Variants in DOCK1 observed in about 807,000 individuals in gnomAD.
DOCK1 encodes the protein dedicator of cytokinesis 1, also known as dedicator of cytokinesis protein 1.
Under a neutral mutation model 262.7 loss-of-function variants are expected in DOCK1, and 138 were observed. The observed-to-expected ratio is 0.53, with a 90% CI of 0.46 to 0.61. The LOEUF (loss-of-function observed/expected upper bound fraction) is 0.61, where lower values mean the gene tolerates loss of function less well. DOCK1 is among the 20% of genes least tolerant of loss of function. DOCK1 has a pLI of 0.00. For missense variants in DOCK1, 1,908 were observed against 2,370.7 expected (o/e 0.80, Z 4.05); for synonymous variants, 866 against 867.4 (o/e 1.00, Z 0.03).
intron 28 of DOCK1, among the ~76,000 whole-genome samples, chr10:127,255,586 C>G (rs565443972): frequency 6.6e-6 from 1 of 152,204 alleles, no homozygotes; most frequent in African/African-American, 2.4e-5. Context: ...ATGCAGAAAA[C>G]AAGGACGCCT....
intron 27 of DOCK1, among the ~76,000 whole-genome samples, chr10:127,237,066 CA>C (rs1446540641): frequency 6.6e-5 from 10 of 152,094 alleles, no homozygotes; most frequent in African/African-American, 2.4e-4. Context: ...GCCTTAAGAC[CA>C]AAAAATATTG....
chr10:127,073,248 C>G (rs540978343), intron 23 of DOCK1, among the ~76,000 whole-genome samples: 1 of 152,216 alleles, frequency 6.6e-6, no homozygotes, highest in Non-Finnish European at 1.5e-5. Flanking sequence ...TCTACAGATT[C>G]ACTGCAGTCC....
chr10:127,263,967 G>T (rs1355963612), intron 29 of DOCK1, among the ~76,000 whole-genome samples: 1 of 152,168 alleles, frequency 6.6e-6, no homozygotes, highest in Non-Finnish European at 1.5e-5. Context: ...CAGGTAAACC[G>T]AATCCCTTTG....
chr10:127,190,177 C>A lies in DOCK1; in HGVS notation c.2848-57831C>A, dbSNP rs181594081. On this transcript the variant is annotated intron_variant, in intron 27 of 51. Transcript: ENST00000623213. ...CATTCTTTCTCTAAAAACTCAACTT[C>A]TACCCAACTGAATTTTCACCAAAGG... 2.0e-5 allele frequency among the ~76,000 whole-genome samples: 3 copies of A among 152,362 alleles called. No homozygotes were observed. The East Asian group carries it at 5.8e-4, about 29-fold the overall frequency.
chr10:127,313,883 C>T (rs1423898548), intron 29 of DOCK1, among the ~76,000 whole-genome samples: 2 of 128,744 alleles, frequency 1.6e-5, no homozygotes, highest in African/African-American at 4.2e-5. Context: ...CCAGCTTGCT[C>T]GTATTTGTTT....
At chr10:127,267,229 C>A (rs973091637) in intron 29 of DOCK1, among the ~76,000 whole-genome samples, 3 of 152,168 alleles carry the variant, frequency 2.0e-5, no homozygotes, top group African/African-American at 7.2e-5. Context: ...GCCCACTGCA[C>A]CTTGGGATGG....
chr10:127,091,749 C>G (rs1367950842), intron 23 of DOCK1, among the ~76,000 whole-genome samples: 1 of 152,172 alleles, frequency 6.6e-6, no homozygotes, highest in Non-Finnish European at 1.5e-5. Context: ...GCAAAATCAG[C>G]TGACTAAGTC....
chr10:127,018,528 T>G, intron 12 of DOCK1, 182 bp from the exon 13 acceptor site: 1 of 820,844 alleles, frequency 1.2e-6, no homozygotes. Flanking sequence ...GCTCGTTGGA[T>G]GCATGGAGTC....
chr10:127,054,023 T>C (rs2044951635), intron 22 of DOCK1, among the ~76,000 whole-genome samples: 2 of 152,210 alleles, frequency 1.3e-5, no homozygotes, highest in Non-Finnish European at 2.9e-5. Flanking sequence ...AATTAGCGAA[T>C]ACATTTGCCT....
intron 28 of DOCK1, among the ~76,000 whole-genome samples, chr10:127,253,874 C>CAAAAAAAAAA (rs575042004): frequency 9.9e-6 from 1 of 101,472 alleles, no homozygotes; most frequent in Non-Finnish European, 1.9e-5. Context: ...GACCCTGTCT[C>CAAAAAAAAAA]AAAAAAAAAA....
intron 11 of DOCK1, among the ~76,000 whole-genome samples, chr10:127,010,724 T>A (rs1383118026): frequency 6.6e-6 from 1 of 152,232 alleles, no homozygotes; most frequent in Non-Finnish European, 1.5e-5. Flanking sequence ...AACAGTATCA[T>A]GGAACATGGG....
chr10:127,037,311 TA>T (rs148989854), intron 18 of DOCK1, among the ~76,000 whole-genome samples: 4,244 of 152,200 alleles, frequency 0.028, 196 homozygotes, highest in African/African-American at 0.095. Context: ...ATATTATCTA[TA>T]AAAAAATAGC....
At chr10:127,387,688 C>T (rs958783113) in intron 38 of DOCK1, among the ~76,000 whole-genome samples, 7 of 152,186 alleles carry the variant, frequency 4.6e-5, no homozygotes, top group East Asian at 1.9e-4. Context: ...ATCTAATGCT[C>T]GGAACAGTGC....
rs1258436159 is a variant in DOCK1, at chr10:126,905,502, C to T, written c.-16C>T. 1.5e-5 allele frequency: 8 copies of T among 526,116 alleles called. No homozygotes were observed. The highest frequency in any genetic ancestry group is 2.1e-5 in the Non-Finnish European group (6 of 286,232). The allele number at this position is 526,116 out of a possible 1,614,324, so 32.6% of individuals were successfully genotyped here. A position where few individuals can be genotyped will look rare whatever the true frequency, so the allele number is the denominator to read the frequency against. ...GCGGAGTTTCCTGCCCGACCCGCGG[C>T]GGCTCCGGCGGCGCCATGACGCGCT... On this transcript the variant is annotated 5_prime_UTR_variant, in exon 1 of 52. Coordinates refer to ENST00000623213, the MANE Select transcript of DOCK1 (RefSeq NM_001290223.2).
chr10:127,320,472 C>A (rs377288347), intron 29 of DOCK1, among the ~76,000 whole-genome samples: 5 of 152,076 alleles, frequency 3.3e-5, no homozygotes, highest in African/African-American at 1.2e-4. Context: ...TTATAGCATC[C>A]AATCAGACAC....
chr10:127,169,391 A>G (rs996230433), intron 27 of DOCK1, among the ~76,000 whole-genome samples: 1 of 152,150 alleles, frequency 6.6e-6, no homozygotes, highest in Non-Finnish European at 1.5e-5. Context: ...AACCTTCTAA[A>G]TGTGTGAATG....
At chr10:127,015,599 GT>G (rs2041812282) in intron 12 of DOCK1, among the ~76,000 whole-genome samples, 1 of 152,030 alleles carries the variant, frequency 6.6e-6, no homozygotes, top group Non-Finnish European at 1.5e-5. Flanking sequence ...CTTGCTAGTG[GT>G]TGTGCCTGCA....
At chr10:127,317,602 GAT>G (rs2062340742) in intron 29 of DOCK1, among the ~76,000 whole-genome samples, 1 of 152,200 alleles carries the variant, frequency 6.6e-6, no homozygotes, top group Non-Finnish European at 1.5e-5. Context: ...TTCACCCATT[GAT>G]AATACTGAGC....
intron 29 of DOCK1, among the ~76,000 whole-genome samples, chr10:127,283,717 A>G (rs2061047813): frequency 6.6e-6 from 1 of 152,202 alleles, no homozygotes; most frequent in African/African-American, 2.4e-5. Flanking sequence ...TTCATTGCCA[A>G]CTTTCTTATT....
Sources: allele counts gnomAD v4.1 joint callset (sites outside exome capture counted in the v4.1 genomes callset), GRCh38; gene constraint gnomAD v4.1.1; transcripts MANE v1.5; gene names NCBI Gene and HGNC (gene_info 2026-07-23, HGNC 2026-07-21).